The following GARNL3 variants were observed in gnomAD, a reference collection of about 807,000 sequenced individuals.
GARNL3 encodes the protein GTPase activating Rap/RanGAP domain like 3.
In GARNL3, 63 loss-of-function variants were observed where a neutral mutation model predicts 125.0. That is an observed-to-expected ratio of 0.50 (90% CI 0.41 to 0.62). The LOEUF is 0.62. Among genes scored for constraint, GARNL3 ranks in the 20% least tolerant of loss-of-function variants. The pLI, the probability that GARNL3 is intolerant of heterozygous loss-of-function variation, is 0.00. For synonymous variants in GARNL3, 439 were observed against 457.5 expected (o/e 0.96, Z 0.52); for missense variants, 994 against 1,244.0 (o/e 0.80, Z 3.02).
Position 127,313,469 on chromosome 9 carries a change from C to T in GARNL3, c.348C>T (p.Ala116=), listed in dbSNP as rs544243959. ...ATCAGAACTACATTGGAAACGATGC[C>T]GAGAAGAGCCCTTTCTTCTTGTCCG... ...QVHQNYIGND[A]EKSPFFLSVT... The change falls in exon 4 of 28, where the codon GCC becomes GCT. Residue 116 remains alanine, a synonymous_variant. Transcript: ENST00000373387. 4 of 1,613,900 alleles carry T rather than the reference C, an allele frequency of 2.5e-6. No individual in the cohort carries two copies. The highest frequency in any genetic ancestry group is 3.3e-5 in the Admixed American group (2 of 60,026).
At chr9:127,296,464 C>CTTTT (rs777082855) in intron 2 of GARNL3, among the ~76,000 whole-genome samples, 47 of 87,102 alleles carry the variant, frequency 5.4e-4, no homozygotes, top group Middle Eastern at 9.4e-3. Context: ...GTAGGCATGA[C>CTTTT]TTTTTTTTTT....
intron 2 of GARNL3, among the ~76,000 whole-genome samples, chr9:127,307,538 A>G (rs1163394988): frequency 6.6e-6 from 1 of 152,240 alleles, no homozygotes; most frequent in African/African-American, 2.4e-5. Context: ...GTGATAGGCA[A>G]CTGATCAAGC....
upstream of GARNL3, chr9:127,263,811 G>A (rs1052827390): frequency 2.1e-5 from 26 of 1,265,206 alleles, no homozygotes; most frequent in Admixed American, 8.0e-5. Flanking sequence ...GTGAAATGGT[G>A]GAAGCAGAAT....
chr9:127,393,278 C>T lies in GARNL3; in HGVS notation c.*24C>T, dbSNP rs1334517164. 3 of 1,583,680 alleles carry T rather than the reference C, an allele frequency of 1.9e-6. No individual in the cohort carries two copies. The highest frequency in any genetic ancestry group is 2.7e-5 in the African/African-American group (2 of 74,296). ...AACAGAGTTGAATCTCATTTGCCAT[C>T]TTTAGTTTTCTTATGGAGGTTTATA... On this transcript the variant is annotated 3_prime_UTR_variant, in exon 28 of 28. Transcript: ENST00000373387.
At chr9:127,321,583 G>A (rs1008559238) in intron 6 of GARNL3, among the ~76,000 whole-genome samples, 6 of 152,134 alleles carry the variant, frequency 3.9e-5, no homozygotes, top group Admixed American at 1.3e-4. Flanking sequence ...ATCTGCCTTA[G>A]GAGAGAAAAA....
intron 17 of GARNL3, chr9:127,353,622 G>A (rs994042793): frequency 4.8e-5 from 25 of 517,800 alleles, no homozygotes; most frequent in African/African-American, 1.6e-4. Flanking sequence ...TATAGAGTTC[G>A]GGATATAGAA....
At chr9:127,257,723 T>C (rs1246782449) in intron 2 of GARNL3, among the ~76,000 whole-genome samples, 2 of 152,210 alleles carry the variant, frequency 1.3e-5, no homozygotes, top group East Asian at 3.8e-4. Context: ...GAATGTATAC[T>C]GGCAGTTGTT....
intron 9 of GARNL3, among the ~76,000 whole-genome samples, chr9:127,334,220 G>A (rs1334809803): frequency 3.3e-5 from 5 of 152,180 alleles, no homozygotes; most frequent in Admixed American, 6.5e-5. Flanking sequence ...CAAGCTTAGG[G>A]TTGGAAGTTC....
intron 1 of GARNL3, among the ~76,000 whole-genome samples, chr9:127,240,872 C>T (rs929936089): frequency 6.6e-6 from 1 of 152,186 alleles, no homozygotes. Context: ...TGTGCCACTG[C>T]ACTCCATCCT....
rs527452864 is a variant in GARNL3 at position 127,309,301 on chromosome 9, A to G, written c.220-2335A>G. Among the ~76,000 whole-genome samples the G allele has an allele frequency of 2.0e-5, 3 of 152,292 alleles. No individual in the cohort carries two copies. In the East Asian group the frequency reaches 5.8e-4, roughly 29 times the overall value. On this transcript the variant is annotated intron_variant, in intron 2 of 27. Coordinates refer to ENST00000373387, the MANE Select transcript of GARNL3 (RefSeq NM_032293.5). ...AACATGTTTAAACTCTCTCAGTCTC[A>G]ATTTCCTCATCTGAAAGTAGGGGGA... is the stretch of plus-strand genomic sequence containing the variant.
Position 127,311,537 on chromosome 9 carries a change from A to G in GARNL3, c.220-99A>G, listed in dbSNP as rs539983194. Reference sequence around the variant, plus strand: ...CCACAGCCCTTGGGTGTATGCTTTTAACAATGATTTTTCTGGTTCTTTGGC... The same window carrying G: ...CCACAGCCCTTGGGTGTATGCTTTTGACAATGATTTTTCTGGTTCTTTGGC... On this transcript the variant is annotated intron_variant, in intron 2 of 27. Transcript: ENST00000373387. 2.0e-5 allele frequency: 16 copies of G among 819,034 alleles called. No homozygotes were observed. In the African/African-American group the frequency reaches 2.4e-4, roughly 12 times the overall value. The allele number at this position is 819,034 out of a possible 1,614,324, so 50.7% of individuals were successfully genotyped here. A position where few individuals can be genotyped will look rare whatever the true frequency, so the allele number is the denominator to read the frequency against.
chr9:127,340,623 C>G (rs953063367), intron 13 of GARNL3, among the ~76,000 whole-genome samples: 1 of 150,186 alleles, frequency 6.7e-6, no homozygotes, highest in Non-Finnish European at 1.5e-5. Context: ...TGTTGCCGTG[C>G]AGCTCTGAGA....
chr9:127,351,414 A>T (rs1185342149), intron 17 of GARNL3, among the ~76,000 whole-genome samples: 1 of 152,058 alleles, frequency 6.6e-6, no homozygotes, highest in East Asian at 1.9e-4. Context: ...GCTTTGGTTT[A>T]TGATTTAAAC....
At chr9:127,307,153 A>T (rs1408251307) in intron 2 of GARNL3, among the ~76,000 whole-genome samples, 1 of 152,180 alleles carries the variant, frequency 6.6e-6, no homozygotes, top group African/African-American at 2.4e-5. Flanking sequence ...AAATAAAGTT[A>T]TATTTGTTTT....
At chr9:127,299,415 T>TTATCTGAC (rs1199548173) in intron 2 of GARNL3, among the ~76,000 whole-genome samples, 1 of 152,170 alleles carries the variant, frequency 6.6e-6, no homozygotes, top group East Asian at 1.9e-4. Flanking sequence ...TCTCCTGTGT[T>TTATCTGAC]TATCTGACTT....
chr9:127,295,898 TAC>T (rs2064576571), intron 2 of GARNL3, among the ~76,000 whole-genome samples: 1 of 152,154 alleles, frequency 6.6e-6, no homozygotes, highest in Non-Finnish European at 1.5e-5. Flanking sequence ...CTATTATTAT[TAC>T]ATTGTAATAT....
Position 127,332,367 on chromosome 9 carries a change from GCT to G in GARNL3, c.670+23_670+24del. 6.3e-7 allele frequency: 1 copy of G among 1,599,292 alleles called. No individual in the cohort carries two copies. Among genetic ancestry groups the G allele is most frequent in the South Asian group, 1.1e-5 (1 of 90,666 alleles). The stretch of plus-strand genomic sequence containing the variant: ...CAGCAATGGTGAGTGATCTCCTCCC[GCT>G]CTCTGCTGCCAGAGACCCTGTCCTG... On this transcript the variant is annotated intron_variant, in intron 8 of 27. Coordinates refer to ENST00000373387, the MANE Select transcript of GARNL3 (RefSeq NM_032293.5).
intron 1 of GARNL3, among the ~76,000 whole-genome samples, chr9:127,269,289 C>T (rs1248933308): frequency 1.1e-4 from 16 of 152,176 alleles, no homozygotes; most frequent in Admixed American, 7.2e-4. Flanking sequence ...CATGAGCCAC[C>T]GCACCCAGCG....
intron 7 of GARNL3, among the ~76,000 whole-genome samples, chr9:127,327,250 G>T (rs1383753754): frequency 6.6e-6 from 1 of 152,206 alleles, no homozygotes; most frequent in African/African-American, 2.4e-5. Context: ...CTTCTTCACG[G>T]AGCTTACAGT....
Sources: gnomAD v4.1 joint callset for allele counts (sites outside exome capture counted in the v4.1 genomes callset) on GRCh38, gnomAD v4.1.1 for gene constraint, MANE v1.5 for transcripts, NCBI Gene and HGNC (gene_info 2026-07-23, HGNC 2026-07-21) for gene names.